SCAPER: variants seen among roughly 807,000 people sequenced by gnomAD.
SCAPER encodes the protein S-phase cyclin A associated protein in the ER.
Under a neutral mutation model 182.2 loss-of-function variants are expected in SCAPER, and 98 were observed. The ratio of observed to expected loss-of-function variants is 0.54; its 90% CI spans 0.46 to 0.64. The LOEUF (loss-of-function observed/expected upper bound fraction) is 0.64. Ranked by LOEUF, SCAPER falls within the 30% of genes least tolerant of loss-of-function variation. SCAPER has a pLI of 0.00. For missense variants in SCAPER, 1,432 were observed against 1,690.0 expected, an observed-to-expected ratio of 0.85 and a Z score of 2.68; for synonymous variants, 605 against 564.6, an observed-to-expected ratio of 1.07 and a Z score of -1.01.
chr15:76,577,588 A>C (rs2120108), intron 22 of SCAPER, among the ~76,000 whole-genome samples: 58,060 of 151,822 alleles, frequency 0.38, 13,088 homozygotes, highest in Middle Eastern at 0.53. Flanking sequence ...ATTTTTAGAC[A>C]TATCCTGGGC....
chr15:76,754,822 G>A (rs149645973), intron 14 of SCAPER, among the ~76,000 whole-genome samples: 2 of 152,082 alleles, frequency 1.3e-5, no homozygotes, highest in African/African-American at 4.8e-5. Context: ...TATTGGTTGT[G>A]TAACACTAGA....
At chr15:76,798,695 A>G (rs879327766) in intron 7 of SCAPER, among the ~76,000 whole-genome samples, 2 of 152,232 alleles carry the variant, frequency 1.3e-5, no homozygotes, top group African/African-American at 2.4e-5. Flanking sequence ...AGGATCCTCA[A>G]TAACAGCTGA....
intron 17 of SCAPER, among the ~76,000 whole-genome samples, chr15:76,724,096 G>C (rs1190232922): frequency 6.6e-6 from 1 of 151,696 alleles, no homozygotes; most frequent in Non-Finnish European, 1.5e-5. Flanking sequence ...CTTCCTTCAG[G>C]AGCTCTTTTA....
chr15:76,566,464 G>A (rs556847311), intron 23 of SCAPER, among the ~76,000 whole-genome samples: 59 of 152,194 alleles, frequency 3.9e-4, no homozygotes, highest in African/African-American at 1.3e-3. Flanking sequence ...CAAACTCCAT[G>A]TCCAATCCAT....
At chr15:76,450,257 A>G (rs1426049568) in intron 25 of SCAPER, among the ~76,000 whole-genome samples, 1 of 152,216 alleles carries the variant, frequency 6.6e-6, no homozygotes, top group Non-Finnish European at 1.5e-5. Flanking sequence ...CTTAAAATAT[A>G]AGGAAAGCAA....
At chr15:76,561,440 A>G (rs1319118213) in intron 23 of SCAPER, among the ~76,000 whole-genome samples, 1 of 152,148 alleles carries the variant, frequency 6.6e-6, no homozygotes, top group Non-Finnish European at 1.5e-5. Context: ...AGATATTTTT[A>G]GTATCTTTTG....
chr15:76,862,397 T>TA lies in SCAPER; in HGVS notation c.124+18dup. 3 of 1,518,802 alleles carry TA rather than the reference T, an allele frequency of 2.0e-6. No individual in the cohort carries two copies. Among genetic ancestry groups the TA allele is most frequent in the Non-Finnish European group, 1.8e-6 (2 of 1,099,828 alleles). The allele number at this position is 1,518,802 out of a possible 1,614,324, so 94.1% of individuals were successfully genotyped here. On this transcript the variant is annotated intron_variant, in intron 3 of 31. Coordinates refer to ENST00000563290, the MANE Select transcript of SCAPER (RefSeq NM_020843.4). ...TCCTTATTTACAACAAAAATGAAAC[T>TA]AATTTTTTAAATACATACCATCATC...
chr15:76,621,871 AT>A, intron 21 of SCAPER, 42 bp from the exon 22 acceptor site: 2 of 1,415,346 alleles, frequency 1.4e-6, no homozygotes, highest in South Asian at 1.2e-5. Context: ...TTCACTGCTA[AT>A]TTTTATAATA....
At chr15:76,821,603 G>A (rs1163428729) in intron 5 of SCAPER, among the ~76,000 whole-genome samples, 3 of 151,932 alleles carry the variant, frequency 2.0e-5, no homozygotes, top group Admixed American at 6.6e-5. Flanking sequence ...CAGCCTGGGT[G>A]ACAGGGCGAG....
At chr15:76,385,504 G>A (rs1039434043) in intron 27 of SCAPER, among the ~76,000 whole-genome samples, 3 of 152,154 alleles carry the variant, frequency 2.0e-5, no homozygotes, top group Non-Finnish European at 2.9e-5. Context: ...CCACAGACCT[G>A]CACTCAAAGA....
At chr15:76,885,375 A>G (rs537610288) in intron 1 of SCAPER, among the ~76,000 whole-genome samples, 1 of 152,284 alleles carries the variant, frequency 6.6e-6, no homozygotes, top group Admixed American at 6.5e-5. Context: ...CATGCCAGAC[A>G]TATTCTAGCA....
chr15:76,824,469 T>A (rs1293047668), intron 5 of SCAPER, among the ~76,000 whole-genome samples: 1 of 152,094 alleles, frequency 6.6e-6, no homozygotes, highest in Non-Finnish European at 1.5e-5. Context: ...ACTCCCATAG[T>A]GATAAAGGGC....
intron 29 of SCAPER, among the ~76,000 whole-genome samples, chr15:76,356,661 A>G (rs528230789): frequency 6.6e-6 from 1 of 152,318 alleles, no homozygotes; most frequent in East Asian, 1.9e-4. Context: ...AGGGCTGCCC[A>G]TAAGTCCTAA....
chr15:76,679,012 C>G (rs1000303871), intron 20 of SCAPER, among the ~76,000 whole-genome samples: 4 of 152,062 alleles, frequency 2.6e-5, no homozygotes, highest in Admixed American at 6.5e-5. Context: ...AGAAAACATT[C>G]CAACAGATTA....
chr15:76,573,657 G>T (rs890188378), intron 23 of SCAPER, among the ~76,000 whole-genome samples: 1 of 151,842 alleles, frequency 6.6e-6, no homozygotes, highest in Non-Finnish European at 1.5e-5. Flanking sequence ...TTCTTTGTAC[G>T]TTTAACATTT....
At chr15:76,402,344 G>T (rs1567065652) in intron 27 of SCAPER, among the ~76,000 whole-genome samples, 1 of 152,116 alleles carries the variant, frequency 6.6e-6, no homozygotes, top group Non-Finnish European at 1.5e-5. Context: ...ATAGCTCCTT[G>T]TCCAGAGAAC....
rs115700640 is a variant in SCAPER at position 76,612,010 on chromosome 15, A to C, written c.2711+9754T>G. Among the ~76,000 whole-genome samples the C allele has an allele frequency of 9.0e-3, 1,370 of 152,320 alleles. 21 individuals carry two copies. The highest frequency in any genetic ancestry group is 0.032 in the African/African-American group (1,330 of 41,574). ...TTGCACTAAACAGGCAAAACCTGGA[A>C]GCATATCCCTTGAAAGCCGGCACAA... is the stretch of plus-strand genomic sequence containing the variant. On this transcript the variant is annotated intron_variant, in intron 22 of 31. Coordinates refer to ENST00000563290, the MANE Select transcript of SCAPER (RefSeq NM_020843.4).
chr15:76,633,937 T>C (rs562069413), intron 21 of SCAPER, among the ~76,000 whole-genome samples: 3 of 152,324 alleles, frequency 2.0e-5, no homozygotes, highest in Admixed American at 2.0e-4. Flanking sequence ...GGGCGGCCAC[T>C]TTGGTCCCTG....
chr15:76,679,548 C>T (rs1321723293), intron 20 of SCAPER, among the ~76,000 whole-genome samples: 4 of 152,078 alleles, frequency 2.6e-5, no homozygotes, highest in Non-Finnish European at 5.9e-5. Context: ...TGCTAAGGTC[C>T]CTTTCCACAG....
Sources: gnomAD v4.1 joint callset for allele counts (sites outside exome capture counted in the v4.1 genomes callset) on GRCh38, gnomAD v4.1.1 for gene constraint, MANE v1.5 for transcripts, NCBI Gene and HGNC (gene_info 2026-07-23, HGNC 2026-07-21) for gene names.